The following CNTNAP5 variants were observed in gnomAD, a reference collection of about 807,000 sequenced individuals.
CNTNAP5 encodes contactin associated protein family member 5.
In CNTNAP5, 72 loss-of-function variants were observed where a neutral mutation model predicts 150.2. That is an observed-to-expected ratio of 0.48 (90% CI 0.40 to 0.58). The LOEUF is 0.58. Ranked by LOEUF, CNTNAP5 falls within the 20% of genes least tolerant of loss-of-function variation. CNTNAP5 has a pLI of 0.00. For synonymous variants in CNTNAP5, 672 were observed against 619.8 expected (o/e 1.08, Z -1.25); for missense variants, 1,636 against 1,626.2 (o/e 1.01, Z -0.10).
At chr2:124,052,031 G>C (rs1421020075) in intron 1 of CNTNAP5, among the ~76,000 whole-genome samples, 1 of 152,094 alleles carries the variant, frequency 6.6e-6, no homozygotes, top group East Asian at 1.9e-4. Context: ...GAAAATACAA[G>C]CCAACTTTTT....
chr2:124,057,407 G>A (rs367912423), intron 1 of CNTNAP5, among the ~76,000 whole-genome samples: 13 of 140,468 alleles, frequency 9.3e-5, no homozygotes, highest in Non-Finnish European at 1.2e-4. Flanking sequence ...TCACCCTCCC[G>A]AGTAGCTGGG....
intron 11 of CNTNAP5, among the ~76,000 whole-genome samples, chr2:124,603,657 A>T (rs1182413728): frequency 6.6e-6 from 1 of 152,218 alleles, no homozygotes; most frequent in East Asian, 1.9e-4. Context: ...AAGACAGGAT[A>T]TGATCTCTGT....
intron 3 of CNTNAP5, among the ~76,000 whole-genome samples, chr2:124,247,132 G>C (rs181202967): frequency 3.9e-5 from 6 of 152,244 alleles, no homozygotes; most frequent in Non-Finnish European, 7.4e-5. Context: ...GATGCTCTCT[G>C]ATCTTCATGA....
chr2:124,725,001 G>A (rs1009067957), intron 13 of CNTNAP5, among the ~76,000 whole-genome samples: 9 of 134,320 alleles, frequency 6.7e-5, no homozygotes, highest in African/African-American at 1.4e-4. Context: ...GAAATTCAAC[G>A]TACTGACTTT....
intron 12 of CNTNAP5, among the ~76,000 whole-genome samples, chr2:124,643,384 G>T (rs1678134920): frequency 6.6e-6 from 1 of 152,128 alleles, no homozygotes; most frequent in African/African-American, 2.4e-5. Flanking sequence ...TATTTTTCCA[G>T]GTTTCTGGCT....
chr2:124,172,423 T>C (rs1684955082), intron 1 of CNTNAP5, among the ~76,000 whole-genome samples: 1 of 152,192 alleles, frequency 6.6e-6, no homozygotes, highest in African/African-American at 2.4e-5. Flanking sequence ...TTTTTCTTTC[T>C]TTCTTTTGAG....
At chr2:124,099,851 C>G (rs1292939225) in intron 1 of CNTNAP5, among the ~76,000 whole-genome samples, 1 of 152,084 alleles carries the variant, frequency 6.6e-6, no homozygotes, top group Admixed American at 6.6e-5. Context: ...AACTCTATCA[C>G]AAGAACAGGA....
intron 3 of CNTNAP5, among the ~76,000 whole-genome samples, chr2:124,346,409 C>T (rs1306840111): frequency 1.3e-5 from 2 of 151,954 alleles, no homozygotes; most frequent in African/African-American, 4.8e-5. Context: ...AATAGTGCAC[C>T]TTTTTTCAAA....
At chr2:124,373,534 C>T (rs1040221135) in intron 3 of CNTNAP5, among the ~76,000 whole-genome samples, 46 of 151,922 alleles carry the variant, frequency 3.0e-4, no homozygotes, top group African/African-American at 1.1e-3. Context: ...AACATATTTT[C>T]CAGTTTTATT....
intron 4 of CNTNAP5, among the ~76,000 whole-genome samples, chr2:124,431,599 CATT>C (rs1410768519): frequency 2.8e-5 from 4 of 143,088 alleles, no homozygotes; most frequent in Admixed American, 1.4e-4. Context: ...TTTATATAAA[CATT>C]ATATATAATT....
intron 17 of CNTNAP5, among the ~76,000 whole-genome samples, chr2:124,786,393 AAGAAAGAAG>A (rs1681581996): frequency 1.2e-5 from 1 of 86,794 alleles, no homozygotes; most frequent in Non-Finnish European, 2.3e-5. Context: ...GAAAGAAAGA[AAGAAAGAAG>A]GAAGGAAGGA....
chr2:124,198,091 A>G (rs1301812395), intron 1 of CNTNAP5, among the ~76,000 whole-genome samples: 1 of 152,014 alleles, frequency 6.6e-6, no homozygotes, highest in Non-Finnish European at 1.5e-5. Flanking sequence ...GTTATTGTCA[A>G]TATGGGGGGT....
chr2:124,161,674 ATGATAATCTC>A (rs1558781226), intron 1 of CNTNAP5, among the ~76,000 whole-genome samples: 1 of 152,220 alleles, frequency 6.6e-6, no homozygotes, highest in African/African-American at 2.4e-5. Context: ...ATTTTGAAAG[ATGATAATCTC>A]TGTGCTCATT....
chr2:124,622,287 C>A (rs1456241847), intron 12 of CNTNAP5, among the ~76,000 whole-genome samples: 1 of 152,146 alleles, frequency 6.6e-6, no homozygotes, highest in Non-Finnish European at 1.5e-5. Context: ...CATGTCCCTG[C>A]AAAGACATGA....
chr2:124,865,809 T>G (rs1475555438), intron 20 of CNTNAP5, among the ~76,000 whole-genome samples: 13 of 151,670 alleles, frequency 8.6e-5, no homozygotes, highest in Admixed American at 8.5e-4. Context: ...CCAGGTGTGG[T>G]GGCACACACT....
rs183506796 is a variant in CNTNAP5, at chr2:124,518,802, C to T, written c.1328-5501C>T. Among the ~76,000 whole-genome samples, 15 of 151,854 alleles carry T rather than the reference C, an allele frequency of 9.9e-5. 1 individual carries two copies. The East Asian group carries it at 1.2e-3, about 12-fold the overall frequency. ...AGGAGTTCAAGACCAGCCTGGCCAA[C>T]GTTATGAAACCCCATCTCTACTAAA... On this transcript the variant is annotated intron_variant, in intron 8 of 23. Transcript: ENST00000682447.
chr2:124,068,165 C>T (rs1191692880), intron 1 of CNTNAP5, among the ~76,000 whole-genome samples: 4 of 150,974 alleles, frequency 2.6e-5, no homozygotes, highest in Non-Finnish European at 4.4e-5. Context: ...TATCTTTCTT[C>T]ATATGGTTGG....
chr2:124,910,491 G>A (rs1678632873), intron 22 of CNTNAP5, among the ~76,000 whole-genome samples: 1 of 151,952 alleles, frequency 6.6e-6, no homozygotes, highest in East Asian at 1.9e-4. Context: ...ACACCTGACA[G>A]GACTAATGAT....
chr2:124,745,080 G>A (rs781543700), intron 13 of CNTNAP5, among the ~76,000 whole-genome samples: 7 of 151,672 alleles, frequency 4.6e-5, no homozygotes, highest in Non-Finnish European at 1.0e-4. Flanking sequence ...GATGTTGATG[G>A]ATTCAAAACG....
Sources: gnomAD v4.1 joint callset for allele counts (sites outside exome capture counted in the v4.1 genomes callset) on GRCh38, gnomAD v4.1.1 for gene constraint, MANE v1.5 for transcripts, NCBI Gene and HGNC (gene_info 2026-07-23, HGNC 2026-07-21) for gene names.